IFT172: variants seen among roughly 807,000 people sequenced by gnomAD.
IFT172 encodes intraflagellar transport 172, also known as intraflagellar transport protein 172 homolog.
In IFT172, 164 loss-of-function variants were observed where a neutral mutation model predicts 248.9. The observed-to-expected ratio is 0.66, with a 90% CI of 0.58 to 0.75. The LOEUF (loss-of-function observed/expected upper bound fraction) is 0.75. Among genes scored for constraint, IFT172 ranks in the 30% least tolerant of loss-of-function variants. IFT172 has a pLI of 0.00. For missense variants in IFT172, 1,950 were observed against 2,192.4 expected, an observed-to-expected ratio of 0.89 and a Z score of 2.21; for synonymous variants, 729 against 791.6, an observed-to-expected ratio of 0.92 and a Z score of 1.33.
chr2:27,489,534 T>C, intron 1 of IFT172, 81 bp downstream of exon 1: 1 of 1,038,948 alleles, frequency 9.6e-7, no homozygotes. Flanking sequence ...CAGTAGGAGG[T>C]CAACATCATT....
intron 14 of IFT172, chr2:27,475,718 G>T (rs1393904503): frequency 6.6e-6 from 1 of 151,834 alleles, no homozygotes; most frequent in African/African-American, 2.4e-5. Flanking sequence ...GAAAGATGAA[G>T]TAACTTCCTG....
rs770918577 is a variant in IFT172, at chr2:27,471,030, C to T, written c.1590G>A (p.Gln530=). ...CCAGCACGTCACTTCCTGGGACCCA[C>T]TGCATATAGGAGCAGAAGTTGAGGA... ...TMILNFCSYM[Q]WVPGSDVLVA... is the part of the protein sequence containing the mutation. The change falls in exon 16 of 48, where the codon CAG becomes CAA. Residue 530 remains glutamine (Q), a synonymous_variant. Coordinates refer to ENST00000260570, the MANE Select transcript of IFT172 (RefSeq NM_015662.3). The T allele has an allele frequency of 2.5e-5, 41 of 1,613,940 alleles. No individual in the cohort carries two copies. The highest frequency in any genetic ancestry group is 3.4e-5 in the Non-Finnish European group (40 of 1,179,992).
At position 27,445,928 on chromosome 2, in the gene IFT172, C is replaced by T. The variant is rs752257485; in HGVS notation, c.4815+1G>A. ...CCTCGGGGCACAGCTTCCCTACTCA[C>T]ATCGGTCAGGTCCAAAAAGCGATTG... On this transcript the variant is annotated splice_donor_variant, in intron 44 of 47. Coordinates refer to ENST00000260570, the MANE Select transcript of IFT172 (RefSeq NM_015662.3). LOFTEE classifies it high-confidence loss of function. The surrounding 1 kb of genome is among the most constrained non-coding windows in gnomAD (Gnocchi z 4.4). 5 of 1,614,110 alleles carry T rather than the reference C, an allele frequency of 3.1e-6. No homozygotes were observed. The African/African-American group carries it at 4.0e-5, about 13-fold the overall frequency.
In IFT172 at chr2:27,484,249, A is replaced by G; in HGVS notation, c.314T>C (p.Ile105Thr). Residue 105 changes from isoleucine to threonine, a missense_variant, in exon 4 of 48, where the codon ATC (isoleucine) becomes ACC (threonine). Coordinates refer to ENST00000260570, the MANE Select transcript of IFT172 (RefSeq NM_015662.3). Reference protein sequence around the residue: ...IGEDWGDKKVICNKFIQTSAV... With the variant: ...IGEDWGDKKVTCNKFIQTSAV... ...TACCGTCTGGATGAACTTGTTGCAG[A>G]TGACTTTCTTGTCACCCCTGCCAAA... 1 of 1,614,020 alleles carries G rather than the reference A, an allele frequency of 6.2e-7. No individual in the cohort carries two copies. Among genetic ancestry groups the G allele is most frequent in the East Asian group, 2.2e-5 (1 of 44,884 alleles).
In IFT172 at chr2:27,447,639, AG is replaced by A. The variant is rs1352484680; in HGVS notation, c.4540-6del. 7 of 1,614,102 alleles carry A rather than the reference AG, an allele frequency of 4.3e-6. No individual in the cohort carries two copies. The highest frequency in any genetic ancestry group is 5.9e-6 in the Non-Finnish European group (7 of 1,180,022). On this transcript the variant is annotated splice_region_variant and splice_polypyrimidine_tract_variant and intron_variant, in intron 41 of 47. Transcript: ENST00000260570. The stretch of plus-strand genomic sequence containing the variant: ...GGACTTCACCAGGTTTTCACACTAG[AG>A]GAGGGAGACAGCACAGCCTGGCTCA...
chr2:27,467,416 T>C (rs545519409), intron 16 of IFT172, among the ~76,000 whole-genome samples: 4 of 16,078 alleles, frequency 2.5e-4, no homozygotes, highest in Admixed American at 8.0e-4. Flanking sequence ...TTACAGAAAA[T>C]TGAAAAAAAA....
rs563307305 is a variant in IFT172 at position 27,448,806 on chromosome 2, T to A, written c.4428+109A>T. 2.8e-4 allele frequency: 202 copies of A among 725,600 alleles called. No homozygotes were observed. In the African/African-American group the frequency reaches 3.1e-3, roughly 11 times the overall value. 44.9% of individuals were successfully genotyped at this position (725,600 alleles called of 1,614,324 possible). On this transcript the variant is annotated intron_variant, in intron 40 of 47. Transcript: ENST00000260570. Reference sequence around the variant, plus strand: ...TGCGTGGGGGGCTCTGGGCATGACGTTCTCTAAGGATAGAATCCTCTGAGA... The same window carrying A: ...TGCGTGGGGGGCTCTGGGCATGACGATCTCTAAGGATAGAATCCTCTGAGA...
rs1163077172 is a variant in IFT172 at position 27,458,194 on chromosome 2, ATCT to A, written c.2904_2906del (p.Glu968del). ...CCTGAGTGATGTATAGCACTGACAC[ATCT>A]TCTGGTCTCATGCATTTCATCGCCA... On this transcript the variant is annotated inframe_deletion, in exon 27 of 48. Coordinates refer to ENST00000260570, the MANE Select transcript of IFT172 (RefSeq NM_015662.3). 6.2e-7 allele frequency: 1 copy of A among 1,614,114 alleles called. No homozygotes were observed. Among genetic ancestry groups the A allele is most frequent in the Admixed American group, 1.7e-5 (1 of 60,016 alleles).
chr2:27,457,589 C>T lies in IFT172; in HGVS notation c.3228+50G>A, dbSNP rs780407714. 8.6e-6 allele frequency: 13 copies of T among 1,515,176 alleles called. No individual in the cohort carries two copies. The East Asian group carries it at 9.0e-5, about 11-fold the overall frequency. The allele number at this position is 1,515,176 out of a possible 1,614,324, so 93.9% of individuals were successfully genotyped here. A position where few individuals can be genotyped will look rare whatever the true frequency, so the allele number is the denominator to read the frequency against. On this transcript the variant is annotated intron_variant, in intron 29 of 47. Coordinates refer to ENST00000260570, the MANE Select transcript of IFT172 (RefSeq NM_015662.3). ...GACCCTTTCTGAAAAAAAGGAAAAA[C>T]GTGGGAAAGAAGGATGGATGTATCC...
rs1293268654 is a variant in IFT172 at position 27,464,983 on chromosome 2, G to A, written c.1937+428C>T. 4.0e-5 allele frequency among the ~76,000 whole-genome samples: 6 copies of A among 149,922 alleles called. No individual in the cohort carries two copies. The East Asian group carries it at 9.8e-4, about 24-fold the overall frequency. Reference sequence around the variant, plus strand: ...GTCACCCAGGCTGGAGTACAGTGGTGCAATCTCAGCTCACTGCAACCTCTG... The same window carrying A: ...GTCACCCAGGCTGGAGTACAGTGGTACAATCTCAGCTCACTGCAACCTCTG... On this transcript the variant is annotated intron_variant, in intron 18 of 47. Coordinates refer to ENST00000260570, the MANE Select transcript of IFT172 (RefSeq NM_015662.3).
chr2:27,482,490 C>T (rs554769218), intron 7 of IFT172, among the ~76,000 whole-genome samples: 9 of 150,650 alleles, frequency 6.0e-5, no homozygotes, highest in Non-Finnish European at 1.0e-4. Flanking sequence ...ACGGGTTTCA[C>T]GTCAGGCTGG....
rs769020947 is a variant in IFT172 at position 27,483,569 on chromosome 2, T to G, written c.482+11A>C. On this transcript the variant is annotated intron_variant, in intron 6 of 47. Transcript: ENST00000260570. ...TTCCAGACTCTAGTGATACTACTCC[T>G]CTTTACTCACTTTGTTGTCAGGGAC... 1 of 1,613,102 alleles carries G rather than the reference T, an allele frequency of 6.2e-7. No individual in the cohort carries two copies. The highest frequency in any genetic ancestry group is 8.5e-7 in the Non-Finnish European group (1 of 1,179,196).
chr2:27,446,466 T>C, intron 42 of IFT172, 111 bp from the exon 43 acceptor site: 1 of 888,070 alleles, frequency 1.1e-6, no homozygotes, highest in Non-Finnish European at 1.8e-6. Flanking sequence ...ATTATTAAAC[T>C]GCTCTGGATT....
chr2:27,453,131 C>T, intron 35 of IFT172: 1 of 618,258 alleles, frequency 1.6e-6, no homozygotes, highest in East Asian at 3.5e-5. Context: ...AGTCTTTACT[C>T]AGATATGATA....
chr2:27,467,859 G>T (rs1421003523), intron 16 of IFT172, among the ~76,000 whole-genome samples: 2 of 151,514 alleles, frequency 1.3e-5, no homozygotes. Context: ...TACTAAGCAG[G>T]ATAAATTTTA....
Position 27,485,148 on chromosome 2 carries a change from A to T in IFT172, c.184-18T>A. ...CTGCCATACTAAGAGTTTAAAAAAAAAAAAAGAAAGAAAAAGAAGTAATGA... is the reference window on the plus strand; with the variant it reads ...CTGCCATACTAAGAGTTTAAAAAAATAAAAAGAAAGAAAAAGAAGTAATGA... On this transcript the variant is annotated intron_variant, in intron 2 of 47. Coordinates refer to ENST00000260570, the MANE Select transcript of IFT172 (RefSeq NM_015662.3). The T allele has an allele frequency of 3.9e-6, 6 of 1,535,286 alleles. No individual in the cohort carries two copies. The highest frequency in any genetic ancestry group is 5.3e-6 in the Non-Finnish European group (6 of 1,125,006).
intron 25 of IFT172, 176 bp downstream of exon 25, chr2:27,459,202 G>A (rs760552988): frequency 5.8e-5 from 45 of 776,260 alleles, no homozygotes; most frequent in Non-Finnish European, 8.4e-5. Flanking sequence ...CGATATCTGT[G>A]TCACACTGGA....
At chr2:27,475,754 T>C (rs570356651) in intron 14 of IFT172, among the ~76,000 whole-genome samples, 12 of 151,590 alleles carry the variant, frequency 7.9e-5, no homozygotes, top group Non-Finnish European at 1.5e-4. Flanking sequence ...AGAATTGAGA[T>C]GGTTTGACTC....
In IFT172 at chr2:27,454,396, G is replaced by A. The variant is rs1242470983; in HGVS notation, c.3488C>T (p.Ala1163Val). The change falls in exon 32 of 48, where the codon GCT (alanine) becomes GTT (valine). Residue 1163 changes from alanine to valine, a missense_variant. Around this residue, in one of 3 missense-constraint regions of IFT172, gnomAD observed 164 missense variants for 239.3 expected, o/e 0.69. Transcript: ENST00000260570. This position sits in a 1 kb window ranked among gnomAD's most constrained non-coding sequence, Gnocchi z 4.2. ...GGGTTTACCAGCTCTGATGAATTCA[G>A]CTTCAGCCTCTTCGAATTTACCCTA... Reference protein sequence around the residue: ...EDEGKFEEAEAEFIRAGKPKE... With the variant: ...EDEGKFEEAEVEFIRAGKPKE... The A allele has an allele frequency of 2.5e-6, 4 of 1,614,058 alleles. No homozygotes were observed. The highest frequency in any genetic ancestry group is 2.2e-5 in the East Asian group (1 of 44,890).
Sources: allele counts gnomAD v4.1 joint callset (sites outside exome capture counted in the v4.1 genomes callset), GRCh38; gene constraint gnomAD v4.1.1; regional missense constraint gnomAD v4.1.1; non-coding constraint Gnocchi (gnomAD v3.1); transcripts MANE v1.5; gene names NCBI Gene and HGNC (gene_info 2026-07-23, HGNC 2026-07-21).